RXRA: variants seen among roughly 807,000 people sequenced by gnomAD.
RXRA encodes the protein retinoic acid receptor RXR-alpha.
RXRA carries 5 observed loss-of-function variants against 44.5 expected under a neutral mutation model. The observed-to-expected ratio is 0.11, with a 90% CI of 0.06 to 0.24. The LOEUF (loss-of-function observed/expected upper bound fraction) is 0.24, where lower values mean the gene tolerates loss of function less well. Among genes scored for constraint, RXRA ranks in the 10% least tolerant of loss-of-function variants. RXRA has a pLI of 1.00. For missense variants in RXRA, 412 were observed against 646.5 expected (o/e 0.64, Z 3.93); for synonymous variants, 291 against 271.4 (o/e 1.07, Z -0.71).
At chr9:134,381,309 A>G (rs1490004669) in intron 1 of RXRA, among the ~76,000 whole-genome samples, 1 of 148,710 alleles carries the variant, frequency 6.7e-6, no homozygotes, top group Non-Finnish European at 1.5e-5. Context: ...CTGCTGGTAG[A>G]GCCCTGTCTG....
intron 4 of RXRA, among the ~76,000 whole-genome samples, chr9:134,416,844 A>T (rs1466635807): frequency 6.6e-6 from 1 of 152,130 alleles, no homozygotes; most frequent in East Asian, 1.9e-4. Context: ...GTTCTCCCTG[A>T]GTCCATAGAC....
rs1260470265 is a variant in RXRA, at chr9:134,349,362, C to T, written c.28+22703C>T. 2.0e-5 allele frequency among the ~76,000 whole-genome samples: 3 copies of T among 152,148 alleles called. No homozygotes were observed. The highest frequency in any genetic ancestry group is 4.8e-5 in the African/African-American group (2 of 41,434). On this transcript the variant is annotated intron_variant, in intron 1 of 9. Coordinates refer to ENST00000481739, the MANE Select transcript of RXRA (RefSeq NM_002957.6). This position sits in a 1 kb window ranked among gnomAD's most constrained non-coding sequence, Gnocchi z 4.3. ...GCCTCGGCCTGGTGGAGGGCTTCGC[C>T]GAGCTTGGTGGCAGGGAGGGAAGGC...
intron 4 of RXRA, among the ~76,000 whole-genome samples, chr9:134,413,054 G>T (rs1324677521): frequency 6.6e-6 from 1 of 152,208 alleles, no homozygotes; most frequent in Non-Finnish European, 1.5e-5. Context: ...GGTCTCTGCT[G>T]TGGGAAGGGA....
chr9:134,416,246 G>A (rs1017367255), intron 4 of RXRA, among the ~76,000 whole-genome samples: 7 of 152,354 alleles, frequency 4.6e-5, no homozygotes, highest in African/African-American at 1.7e-4. Context: ...AAATCCAGGT[G>A]GAGGTAAGCT....
chr9:134,367,869 C>T (rs756888508), intron 1 of RXRA, among the ~76,000 whole-genome samples: 43 of 152,260 alleles, frequency 2.8e-4, no homozygotes, highest in Non-Finnish European at 5.7e-4. Flanking sequence ...CCCGGCTCAG[C>T]CAGCAGTTTT....
intron 4 of RXRA, among the ~76,000 whole-genome samples, chr9:134,415,239 G>C (rs34014479): frequency 0.022 from 3,285 of 152,316 alleles, 64 homozygotes; most frequent in Admixed American, 0.047. Context: ...GCATCCACGT[G>C]GGGCTGTTAC....
chr9:134,408,357 G>A, intron 3 of RXRA, 58 bp downstream of exon 3: 4 of 1,510,738 alleles, frequency 2.6e-6, no homozygotes, highest in Non-Finnish European at 2.7e-6. Flanking sequence ...CCATTGCAGG[G>A]TCTGGAGGCC....
intron 1 of RXRA, among the ~76,000 whole-genome samples, chr9:134,350,393 G>A (rs1274257799): frequency 1.3e-5 from 2 of 152,158 alleles, no homozygotes; most frequent in East Asian, 3.9e-4. Context: ...GGCTGTCCTC[G>A]CCCCCTGGGT....
chr9:134,399,998 A>G (rs1232560522), intron 1 of RXRA, among the ~76,000 whole-genome samples: 1 of 152,246 alleles, frequency 6.6e-6, no homozygotes, highest in African/African-American at 2.4e-5. Context: ...ACAGGGTGGC[A>G]GAACCTCTGT....
chr9:134,380,748 C>G (rs35165483), intron 1 of RXRA, among the ~76,000 whole-genome samples: 120,097 of 152,006 alleles, frequency 0.79, 47,557 homozygotes, highest in East Asian at 0.85. Context: ...AAGCACCTTT[C>G]CAGTTCCCCG....
rs1280258859 is a variant in RXRA at position 134,433,246 on chromosome 9, C to T, written c.1136-856C>T. On this transcript the variant is annotated intron_variant, in intron 8 of 9. Transcript: ENST00000481739. The surrounding 1 kb of genome is among the most constrained non-coding windows in gnomAD (Gnocchi z 4.2). ...GGCTGAGTCATGCCACGGCCCGGCC[C>T]GGCCCGAGGAATCCCCATTCAGGTC... Among the ~76,000 whole-genome samples the T allele has an allele frequency of 1.3e-5, 2 of 152,202 alleles. No individual in the cohort carries two copies. Among genetic ancestry groups the T allele is most frequent in the Non-Finnish European group, 1.5e-5 (1 of 68,042 alleles).
intron 2 of RXRA, 101 bp from the exon 3 acceptor site, chr9:134,408,048 A>T: frequency 2.4e-6 from 2 of 842,992 alleles, no homozygotes; most frequent in Non-Finnish European, 1.8e-6. Flanking sequence ...TCTGTGTGTG[A>T]AGTTGGGGGT....
At chr9:134,357,309 C>A (rs911793162) in intron 1 of RXRA, among the ~76,000 whole-genome samples, 1 of 152,178 alleles carries the variant, frequency 6.6e-6, no homozygotes, top group Admixed American at 6.5e-5. Context: ...TGCAGCCTCC[C>A]GCATCCTCAC....
intron 1 of RXRA, among the ~76,000 whole-genome samples, chr9:134,385,080 C>T (rs1439444489): frequency 6.6e-6 from 1 of 152,214 alleles, no homozygotes; most frequent in Admixed American, 6.5e-5. Context: ...CGCAGCCTTC[C>T]TTGAGGCCTG....
intron 1 of RXRA, among the ~76,000 whole-genome samples, chr9:134,376,972 C>T (rs371730923): frequency 4.3e-4 from 65 of 152,178 alleles, no homozygotes; most frequent in African/African-American, 1.4e-3. Context: ...GCTGAGTGTG[C>T]GATTGTGTGC....
Position 134,395,534 on chromosome 9 carries a change from A to G in RXRA, c.29-6098A>G, listed in dbSNP as rs557377665. ...GCAGTTGCGGGCTGCAGTGAAGGAG[A>G]TGGACACCTTGGTGTGCCAGGCCCC... On this transcript the variant is annotated intron_variant, in intron 1 of 9. Transcript: ENST00000481739. 2.6e-5 allele frequency among the ~76,000 whole-genome samples: 4 copies of G among 152,118 alleles called. No individual in the cohort carries two copies. The East Asian group carries it at 7.7e-4, about 29-fold the overall frequency.
chr9:134,408,264 A>G lies in RXRA; in HGVS notation c.395A>G (p.Lys132Arg). The G allele has an allele frequency of 6.2e-7, 1 of 1,611,752 alleles. No individual in the cohort carries two copies. The highest frequency in any genetic ancestry group is 8.5e-7 in the Non-Finnish European group (1 of 1,179,352). ...HPSGNMASFT[K>R]HICAICGDRS... ...TCAGGAAACATGGCTTCCTTCACCAAGCACATCTGCGCCATCTGCGGGGAC... is the reference window on the plus strand; with the variant it reads ...TCAGGAAACATGGCTTCCTTCACCAGGCACATCTGCGCCATCTGCGGGGAC... The change falls in exon 3 of 10, where the codon AAG becomes AGG. Residue 132 changes from lysine (K) to arginine (R), a missense_variant. Physicochemically the swap from Lys to Arg is conservative, Grantham distance 26. Around this residue, in one of 4 missense-constraint regions of RXRA, gnomAD observed 156 missense variants for 177.2 expected, o/e 0.88. Coordinates refer to ENST00000481739, the MANE Select transcript of RXRA (RefSeq NM_002957.6).
At position 134,366,536 on chromosome 9, in the gene RXRA, G is replaced by C. The variant is rs955731669; in HGVS notation, c.29-35096G>C. 1.3e-5 allele frequency among the ~76,000 whole-genome samples: 2 copies of C among 152,180 alleles called. No homozygotes were observed. The highest frequency in any genetic ancestry group is 4.8e-5 in the African/African-American group (2 of 41,444). On this transcript the variant is annotated intron_variant, in intron 1 of 9. Transcript: ENST00000481739. This position sits in a 1 kb window ranked among gnomAD's most constrained non-coding sequence, Gnocchi z 5.9. ...CCCCAGCAGCCACCCCGTGCCATGG[G>C]CCTCCAGGTCCCCCGGGTGCTGGCC...
intron 4 of RXRA, among the ~76,000 whole-genome samples, chr9:134,413,647 G>T (rs1316310502): frequency 6.6e-6 from 1 of 152,230 alleles, no homozygotes; most frequent in Non-Finnish European, 1.5e-5. Flanking sequence ...AGCCAGAGGA[G>T]CCAGTGGGCC....
Sources: allele counts gnomAD v4.1 joint callset (sites outside exome capture counted in the v4.1 genomes callset), GRCh38; gene constraint gnomAD v4.1.1; regional missense constraint gnomAD v4.1.1; non-coding constraint Gnocchi (gnomAD v3.1); transcripts MANE v1.5; gene names NCBI Gene and HGNC (gene_info 2026-07-23, HGNC 2026-07-21).